Variants in ZNF589 observed in about 807,000 individuals in gnomAD.
ZNF589 encodes the protein zinc finger protein 589.
A neutral mutation model predicts 13.6 loss-of-function variants in ZNF589; 17 were observed. The observed-to-expected ratio is 1.25, with a 90% CI of 0.86 to 1.88. ZNF589 has a LOEUF of 1.88. Ranked by LOEUF, ZNF589 falls within the 40% of genes most tolerant of loss-of-function variation. The pLI is 0.00. For missense variants in ZNF589, 407 were observed against 434.0 expected (o/e 0.94, Z 0.55); for synonymous variants, 148 against 161.6 (o/e 0.92, Z 0.64).
intron 1 of ZNF589, among the ~76,000 whole-genome samples, chr3:48,242,300 C>T (rs1164621017): frequency 2.0e-5 from 3 of 151,674 alleles, no homozygotes; most frequent in Non-Finnish European, 2.9e-5. Flanking sequence ...TTAGTAGAGG[C>T]GGGGTTTCAT....
chr3:48,252,369 T>A (rs2033847658), intron 2 of ZNF589, among the ~76,000 whole-genome samples: 1 of 151,870 alleles, frequency 6.6e-6, no homozygotes, highest in African/African-American at 2.4e-5. Context: ...TTTTTTGTAT[T>A]TTTAGTAGAG....
At chr3:48,256,542 G>T in intron 2 of ZNF589, 1 of 654,554 alleles carries the variant, frequency 1.5e-6, no homozygotes, top group African/African-American at 1.8e-5. Context: ...GGAAGCTGAG[G>T]CCTGTGATTT....
intron 2 of ZNF589, among the ~76,000 whole-genome samples, chr3:48,254,441 G>C (rs1454379632): frequency 1.3e-5 from 2 of 152,150 alleles, no homozygotes; most frequent in East Asian, 3.8e-4. Flanking sequence ...TATTTTGTTA[G>C]CTATTCCAGG....
chr3:48,268,821 C>T lies in ZNF589; in HGVS notation c.*35C>T. 6.3e-7 allele frequency: 1 copy of T among 1,585,036 alleles called. No individual in the cohort carries two copies. The highest frequency in any genetic ancestry group is 8.6e-7 in the Non-Finnish European group (1 of 1,166,108). ...TTTGTAAGGAGATCATGTCTCAACA[C>T]ACACCAGAGGATACATTCAGATGAG... is the stretch of plus-strand genomic sequence containing the variant. On this transcript the variant is annotated 3_prime_UTR_variant, in exon 4 of 4. Coordinates refer to ENST00000354698, the MANE Select transcript of ZNF589 (RefSeq NM_016089.3).
chr3:48,268,573 C>T lies in ZNF589; in HGVS notation c.882C>T (p.His294=). 6.2e-7 allele frequency: 1 copy of T among 1,613,630 alleles called. No homozygotes were observed. The highest frequency in any genetic ancestry group is 2.2e-5 in the East Asian group (1 of 44,828). ...TAGTTGAGTCAGTCCTCCGCAACCA[C>T]CTGAGTACACACTCCGGGGAGAAAC... is the stretch of plus-strand genomic sequence containing the variant. ...GFIVESVLRN[H]LSTHSGEKPY... is the part of the protein sequence containing the mutation. Residue 294 remains histidine, a synonymous_variant, in exon 4 of 4, where the codon CAC becomes CAT. Coordinates refer to ENST00000354698, the MANE Select transcript of ZNF589 (RefSeq NM_016089.3).
rs1006205007 is a variant in ZNF589 at position 48,268,178 on chromosome 3, G to T, written c.487G>T (p.Ala163Ser). The T allele has an allele frequency of 1.2e-6, 2 of 1,612,194 alleles. No individual in the cohort carries two copies. The highest frequency in any genetic ancestry group is 1.3e-5 in the African/African-American group (1 of 74,952). The change falls in exon 4 of 4, where the codon GCT becomes TCT. Residue 163 changes from alanine (A) to serine (S), a missense_variant. Transcript: ENST00000354698. ...PLFWSTNERG[A>S]LVGFSSLFQR... ...GTTTTGGAGTACAAATGAAAGGGGG[G>T]CTTTAGTGGGTTTCTCTAGCCTGTT...
chr3:48,249,425 C>T (rs2033812169), intron 2 of ZNF589, among the ~76,000 whole-genome samples: 1 of 152,206 alleles, frequency 6.6e-6, no homozygotes, highest in South Asian at 2.1e-4. Context: ...TCATGCGCTT[C>T]AGAGTAAGTT....
intron 2 of ZNF589, 45 bp from the exon 3 acceptor site, chr3:48,260,768 A>G: frequency 6.2e-7 from 1 of 1,612,706 alleles, no homozygotes; most frequent in Non-Finnish European, 8.5e-7. Flanking sequence ...TTCACTGTGA[A>G]TCTTAATGGT....
intron 2 of ZNF589, among the ~76,000 whole-genome samples, chr3:48,254,076 C>G (rs1459021354): frequency 6.6e-6 from 1 of 151,424 alleles, no homozygotes; most frequent in African/African-American, 2.4e-5. Context: ...GGTGACAGAG[C>G]GAGACCTTAT....
intron 2 of ZNF589, among the ~76,000 whole-genome samples, chr3:48,259,618 A>G (rs1192633803): frequency 6.6e-6 from 1 of 152,194 alleles, no homozygotes; most frequent in Admixed American, 6.5e-5. Context: ...GGCAGCTGGG[A>G]ATAATGTGCA....
At position 48,260,940 on chromosome 3, in the gene ZNF589, G is replaced by T; in HGVS notation, c.223+1G>T. On this transcript the variant is annotated splice_donor_variant, in intron 3 of 3. Coordinates refer to ENST00000354698, the MANE Select transcript of ZNF589 (RefSeq NM_016089.3). LOFTEE classifies it high-confidence loss of function. ...AATCTCAGGAATCTGGTCTCATTGG[G>T]TAAGGACATGTTCTCTTCCTTCATT... 6.2e-7 allele frequency: 1 copy of T among 1,614,040 alleles called. No individual in the cohort carries two copies. The highest frequency in any genetic ancestry group is 8.5e-7 in the Non-Finnish European group (1 of 1,179,978).
chr3:48,270,400 T>C lies in ZNF589; in HGVS notation c.*1614T>C. On this transcript the variant is annotated 3_prime_UTR_variant, in exon 4 of 4. Transcript: ENST00000354698. ...CTTCCAATACCAGGTTTAAGGGTATTTTAAACACAGCTCCTCTTAAATCCT... is the reference window on the plus strand; with the variant it reads ...CTTCCAATACCAGGTTTAAGGGTATCTTAAACACAGCTCCTCTTAAATCCT... The C allele has an allele frequency of 2.7e-6, 1 of 364,488 alleles. No homozygotes were observed. 22.6% of individuals were successfully genotyped at this position (364,488 alleles called of 1,614,324 possible).
intron 3 of ZNF589, among the ~76,000 whole-genome samples, chr3:48,262,583 A>C (rs962383847): frequency 6.6e-6 from 1 of 152,138 alleles, no homozygotes; most frequent in Non-Finnish European, 1.5e-5. Flanking sequence ...TCCATGTTCA[A>C]ATTTACCTGA....
At chr3:48,257,829 T>C (rs978593309) in intron 2 of ZNF589, 3 of 332,302 alleles carry the variant, frequency 9.0e-6, no homozygotes, top group African/African-American at 6.7e-5. Flanking sequence ...CTATTCTTCA[T>C]TGAATTACTT....
chr3:48,247,226 G>A (rs534124572), intron 1 of ZNF589, among the ~76,000 whole-genome samples: 7 of 151,690 alleles, frequency 4.6e-5, no homozygotes, highest in African/African-American at 1.2e-4. Context: ...TGCCTGCCTC[G>A]GCCTCCCAAA....
chr3:48,242,627 C>T (rs2033711261), intron 1 of ZNF589, among the ~76,000 whole-genome samples: 2 of 152,012 alleles, frequency 1.3e-5, no homozygotes, highest in South Asian at 2.1e-4. Flanking sequence ...CTTTTAAGGG[C>T]CAGGTGGTAA....
chr3:48,256,470 G>T, intron 2 of ZNF589: 1 of 581,614 alleles, frequency 1.7e-6, no homozygotes, highest in South Asian at 1.7e-5. Context: ...ATGAGGGTGC[G>T]GGGACCCCAG....
chr3:48,256,368 T>G, intron 2 of ZNF589: 1 of 551,624 alleles, frequency 1.8e-6, no homozygotes, highest in Non-Finnish European at 3.6e-6. Context: ...GCTTCCAAGG[T>G]GTCCTTGAGT....
chr3:48,246,368 C>T (rs1258009586), intron 1 of ZNF589, among the ~76,000 whole-genome samples: 3 of 152,346 alleles, frequency 2.0e-5, no homozygotes, highest in Middle Eastern at 3.4e-3. Context: ...TGACAAGCTG[C>T]GCTTTAGAAA....
Sources: gnomAD v4.1 joint callset for allele counts (sites outside exome capture counted in the v4.1 genomes callset) on GRCh38, gnomAD v4.1.1 for gene constraint, MANE v1.5 for transcripts, NCBI Gene and HGNC (gene_info 2026-07-23, HGNC 2026-07-21) for gene names.